The following SGCZ variants were observed in gnomAD, a reference collection of about 807,000 sequenced individuals.
SGCZ encodes the protein sarcoglycan zeta.
A neutral mutation model predicts 41.3 loss-of-function variants in SGCZ; 40 were observed. That is an observed-to-expected ratio of 0.97 (90% CI 0.75 to 1.26). The LOEUF (loss-of-function observed/expected upper bound fraction) is 1.26, where lower values mean the gene tolerates loss of function less well. Ranked by LOEUF, SGCZ falls within the 50% of genes most tolerant of loss-of-function variation. The pLI, the probability that SGCZ is intolerant of heterozygous loss-of-function variation, is 0.00. For synonymous variants in SGCZ, 206 were observed against 137.5 expected (o/e 1.50, Z -3.49); for missense variants, 552 against 369.8 (o/e 1.49, Z -4.04).
intron 5 of SGCZ, among the ~76,000 whole-genome samples, chr8:14,130,043 G>A (rs1335574103): frequency 6.6e-6 from 1 of 152,052 alleles, no homozygotes; most frequent in Non-Finnish European, 1.5e-5. Flanking sequence ...AAAGGAAAAC[G>A]AAGTCAAATA....
At chr8:14,115,119 T>C (rs1585147618) in intron 5 of SGCZ, among the ~76,000 whole-genome samples, 1 of 152,094 alleles carries the variant, frequency 6.6e-6, no homozygotes, top group African/African-American at 2.4e-5. Context: ...TCTTGAGATA[T>C]ATATTCTCAG....
rs1004409412 is a variant in SGCZ at position 14,472,228 on chromosome 8, T to C, written c.234+82504A>G. The stretch of plus-strand genomic sequence containing the variant: ...TAAATTCTCAGTAATCTTTTTGAAA[T>C]GATGGAAAAACATGAATCTTGTTTA... On this transcript the variant is annotated intron_variant, in intron 2 of 7. Coordinates refer to ENST00000382080, the MANE Select transcript of SGCZ (RefSeq NM_139167.4). Among the ~76,000 whole-genome samples the C allele has an allele frequency of 7.2e-5, 11 of 152,194 alleles. No individual in the cohort carries two copies. In the East Asian group the frequency reaches 2.1e-3, roughly 29 times the overall value.
In SGCZ at chr8:14,953,459, C is replaced by T. The variant is rs550289229; in HGVS notation, c.39+284126G>A. Among the ~76,000 whole-genome samples, 3 of 152,264 alleles carry T rather than the reference C, an allele frequency of 2.0e-5. No homozygotes were observed. The East Asian group carries it at 5.8e-4, about 29-fold the overall frequency. On this transcript the variant is annotated intron_variant, in intron 1 of 7. Transcript: ENST00000382080. ...ATTCGACATGAGATTTGGGTGGGGA[C>T]TCAGAGCCAACACATATTATCACCC...
chr8:15,112,580 G>A (rs1249811791), intron 1 of SGCZ, among the ~76,000 whole-genome samples: 1 of 152,220 alleles, frequency 6.6e-6, no homozygotes, highest in Non-Finnish European at 1.5e-5. Context: ...GTCCGTTTCT[G>A]GGCCCAGGCC....
intron 1 of SGCZ, among the ~76,000 whole-genome samples, chr8:14,658,066 A>G (rs1173777069): frequency 6.6e-6 from 1 of 152,172 alleles, no homozygotes; most frequent in Non-Finnish European, 1.5e-5. Context: ...AATGATGGAC[A>G]CAACATTATG....
chr8:14,129,270 C>T (rs1193316173), intron 5 of SGCZ, among the ~76,000 whole-genome samples: 1 of 144,002 alleles, frequency 6.9e-6, no homozygotes, highest in Non-Finnish European at 1.5e-5. Flanking sequence ...TGCTTGAACC[C>T]AGGAGGCAGA....
At chr8:15,175,898 A>C (rs1799984189) in intron 1 of SGCZ, among the ~76,000 whole-genome samples, 1 of 152,176 alleles carries the variant, frequency 6.6e-6, no homozygotes, top group Non-Finnish European at 1.5e-5. Flanking sequence ...TTAGGAACAG[A>C]AAGCAGTCAA....
intron 2 of SGCZ, among the ~76,000 whole-genome samples, chr8:14,340,945 C>T (rs1348193099): frequency 6.6e-6 from 1 of 152,046 alleles, no homozygotes; most frequent in African/African-American, 2.4e-5. Context: ...ACTCCTGAAT[C>T]CCCTCTCCCC....
chr8:14,262,684 C>G (rs1012567786), intron 3 of SGCZ, among the ~76,000 whole-genome samples: 3 of 151,488 alleles, frequency 2.0e-5, no homozygotes, highest in Non-Finnish European at 4.4e-5. Context: ...TTTAAAACTT[C>G]AAGAACCTTG....
chr8:14,265,734 C>A (rs1302263837), intron 3 of SGCZ, among the ~76,000 whole-genome samples: 1 of 149,038 alleles, frequency 6.7e-6, no homozygotes. Flanking sequence ...AGAGACAATT[C>A]AGCAATTTAT....
chr8:14,698,483 G>T (rs1809034844), intron 1 of SGCZ, among the ~76,000 whole-genome samples: 1 of 151,752 alleles, frequency 6.6e-6, no homozygotes, highest in Non-Finnish European at 1.5e-5. Context: ...CATTATAAAA[G>T]CTATAAAACA....
chr8:14,234,131 A>G (rs1342485533), intron 4 of SGCZ, among the ~76,000 whole-genome samples: 3 of 152,082 alleles, frequency 2.0e-5, no homozygotes, highest in Non-Finnish European at 2.9e-5. Flanking sequence ...AATATCTGTC[A>G]AATTGATTTT....
chr8:14,179,412 C>T (rs1241847928), intron 4 of SGCZ, among the ~76,000 whole-genome samples: 1 of 152,152 alleles, frequency 6.6e-6, no homozygotes, highest in Non-Finnish European at 1.5e-5. Flanking sequence ...GACCAGTTCG[C>T]CTTTGCTTAG....
At chr8:14,292,182 C>A (rs12114751) in intron 3 of SGCZ, among the ~76,000 whole-genome samples, 1 of 152,004 alleles carries the variant, frequency 6.6e-6, no homozygotes, top group Non-Finnish European at 1.5e-5. Context: ...AGATGCAAGA[C>A]ATAAATAACA....
intron 2 of SGCZ, among the ~76,000 whole-genome samples, chr8:14,416,314 A>G (rs1799491675): frequency 6.6e-6 from 1 of 151,990 alleles, no homozygotes; most frequent in Non-Finnish European, 1.5e-5. Context: ...GTTGTCCTGT[A>G]GAGAAAAACT....
At chr8:14,672,868 G>A (rs1808148876) in intron 1 of SGCZ, among the ~76,000 whole-genome samples, 1 of 152,036 alleles carries the variant, frequency 6.6e-6, no homozygotes, top group Non-Finnish European at 1.5e-5. Context: ...TCTTATAAAG[G>A]GGTCAGAAAA....
rs1010797392 is a variant in SGCZ, at chr8:14,085,548, C to G, written c.*4895G>C. ...TGGCTTTCTCAAAATGCAGAGCCAC[C>G]TCAGTTAACAATTAAAAAATAGCCC... On this transcript the variant is annotated 3_prime_UTR_variant, in exon 8 of 8. Transcript: ENST00000382080. Among the ~76,000 whole-genome samples, 5 of 151,684 alleles carry G rather than the reference C, an allele frequency of 3.3e-5. No homozygotes were observed. Among genetic ancestry groups the G allele is most frequent in the African/African-American group, 1.2e-4 (5 of 41,382 alleles).
chr8:15,078,019 C>T (rs1407078340), intron 1 of SGCZ, among the ~76,000 whole-genome samples: 3 of 151,692 alleles, frequency 2.0e-5, no homozygotes, highest in South Asian at 2.1e-4. Context: ...AGGCCCCATG[C>T]ACTGGGGGAC....
intron 1 of SGCZ, among the ~76,000 whole-genome samples, chr8:14,827,165 CA>C (rs11448424): frequency 5.7e-5 from 8 of 140,876 alleles, no homozygotes; most frequent in South Asian, 2.2e-4. Context: ...ATGGAAGTTT[CA>C]AAAAAAAAAC....
Sources: gnomAD v4.1 joint callset for allele counts (sites outside exome capture counted in the v4.1 genomes callset) on GRCh38, gnomAD v4.1.1 for gene constraint, MANE v1.5 for transcripts, NCBI Gene and HGNC (gene_info 2026-07-23, HGNC 2026-07-21) for gene names.